VWA8: variants seen among roughly 807,000 people sequenced by gnomAD.
VWA8 encodes the protein von Willebrand factor A domain-containing protein 8.
Under a neutral mutation model 241.5 loss-of-function variants are expected in VWA8, and 221 were observed. The observed-to-expected ratio is 0.91, with a 90% CI of 0.82 to 1.02. The LOEUF is 1.02. Ranked by LOEUF, VWA8 falls within the 50% of genes least tolerant of loss-of-function variation. The pLI, the probability that VWA8 is intolerant of heterozygous loss-of-function variation, is 0.00. For synonymous variants in VWA8, 852 were observed against 827.1 expected (o/e 1.03, Z -0.52); for missense variants, 2,322 against 2,328.7 (o/e 1.00, Z 0.06).
chr13:41,751,816 A>G lies in VWA8; in HGVS notation c.2426+9312T>C, dbSNP rs527272429. Among the ~76,000 whole-genome samples, 44 of 152,336 alleles carry G rather than the reference A, an allele frequency of 2.9e-4. No homozygotes were observed. The South Asian group carries it at 8.9e-3, about 31-fold the overall frequency. The stretch of plus-strand genomic sequence containing the variant: ...TGGTTAGAACACTTACATAACAGTT[A>G]AAGATCTATTATATACATAGAATTA... On this transcript the variant is annotated intron_variant, in intron 21 of 44. Coordinates refer to ENST00000379310, the MANE Select transcript of VWA8 (RefSeq NM_015058.2).
chr13:41,950,177 T>C (rs546429824), intron 1 of VWA8, among the ~76,000 whole-genome samples, 164 bp from the exon 2 acceptor site: 3 of 152,322 alleles, frequency 2.0e-5, no homozygotes, highest in South Asian at 2.1e-4. Context: ...ATCCAAAGTA[T>C]ATATGTATAA....
At chr13:41,590,512 TTA>T in intron 41 of VWA8, 126 bp downstream of exon 41, 1 of 1,015,068 alleles carries the variant, frequency 9.9e-7, no homozygotes, top group Non-Finnish European at 1.4e-6. Flanking sequence ...TTTTTTTTTT[TTA>T]ACATAATGCT....
intron 32 of VWA8, 40 bp from the exon 33 acceptor site, chr13:41,690,315 CT>C: frequency 1.3e-6 from 2 of 1,563,766 alleles, no homozygotes. Flanking sequence ...TGAAATTTTT[CT>C]TTTTCTAATA....
chr13:41,933,684 A>G (rs543510849), intron 2 of VWA8, among the ~76,000 whole-genome samples: 1 of 152,088 alleles, frequency 6.6e-6, no homozygotes, highest in Non-Finnish European at 1.5e-5. Context: ...GACTTCTGAC[A>G]TAACTACAAA....
At chr13:41,592,232 C>T (rs1440582637) in intron 40 of VWA8, among the ~76,000 whole-genome samples, 15 of 133,888 alleles carry the variant, frequency 1.1e-4, no homozygotes, top group Non-Finnish European at 1.7e-4. Flanking sequence ...AACCAAACAC[C>T]GCATATTCTC....
chr13:41,901,081 A>G (rs1334214301), intron 4 of VWA8, among the ~76,000 whole-genome samples: 1 of 150,084 alleles, frequency 6.7e-6, no homozygotes, highest in Non-Finnish European at 1.5e-5. Flanking sequence ...GAATACAATC[A>G]TCATTGTCAC....
intron 17 of VWA8, among the ~76,000 whole-genome samples, chr13:41,806,008 A>T (rs202042261): frequency 0.15 from 22,480 of 151,002 alleles, 1,843 homozygotes; most frequent in Non-Finnish European, 0.19. Context: ...AAATAAAAAA[A>T]AAAAAAAAAG....
At chr13:41,623,236 T>C in intron 37 of VWA8, among the ~76,000 whole-genome samples, 1 of 152,148 alleles carries the variant, frequency 6.6e-6, no homozygotes, top group Admixed American at 6.6e-5. Context: ...GAGAATATGA[T>C]GCATAGAGCT....
chr13:41,636,516 C>G (rs552607327), intron 37 of VWA8, among the ~76,000 whole-genome samples: 58 of 152,010 alleles, frequency 3.8e-4, no homozygotes, highest in African/African-American at 1.0e-3. Context: ...CATAGGCATG[C>G]GCAAGGACTT....
intron 26 of VWA8, among the ~76,000 whole-genome samples, chr13:41,709,476 ATGTTGTTCTC>A: frequency 6.6e-6 from 1 of 152,136 alleles, no homozygotes; most frequent in African/African-American, 2.4e-5. Context: ...AAAGGTAACC[ATGTTGTTCTC>A]TGATTGAAAC....
Position 41,827,644 on chromosome 13 carries a change from T to C in VWA8, c.1700+2885A>G, listed in dbSNP as rs537753624. Among the ~76,000 whole-genome samples the C allele has an allele frequency of 3.9e-5, 6 of 152,290 alleles. No individual in the cohort carries two copies. The South Asian group carries it at 8.3e-4, about 21-fold the overall frequency. ...AAAAGTAAGTGAAGGAAAGAAAGCA[T>C]TGCTATGATCTCTCTCCACTTTCTC... is the stretch of plus-strand genomic sequence containing the variant. On this transcript the variant is annotated intron_variant, in intron 14 of 44. Transcript: ENST00000379310.
intron 21 of VWA8, among the ~76,000 whole-genome samples, chr13:41,737,004 T>C (rs1049919656): frequency 6.6e-6 from 1 of 151,942 alleles, no homozygotes; most frequent in Non-Finnish European, 1.5e-5. Flanking sequence ...CCACCACACT[T>C]GGCTGATTTT....
chr13:41,868,697 A>G (rs974537543), intron 9 of VWA8, among the ~76,000 whole-genome samples: 2 of 151,988 alleles, frequency 1.3e-5, no homozygotes, highest in Non-Finnish European at 2.9e-5. Flanking sequence ...CATCCTGGCT[A>G]ACACGGTGAA....
intron 12 of VWA8, among the ~76,000 whole-genome samples, chr13:41,864,431 G>C (rs191827238): frequency 6.6e-6 from 1 of 151,536 alleles, no homozygotes; most frequent in Non-Finnish European, 1.5e-5. Flanking sequence ...ACAACCCCAA[G>C]GTCCATCAAC....
intron 30 of VWA8, 81 bp downstream of exon 30, chr13:41,692,781 G>T: frequency 9.2e-7 from 1 of 1,085,834 alleles, no homozygotes; most frequent in Non-Finnish European, 1.4e-6. Flanking sequence ...GCACTTAAAG[G>T]GATGGGCATG....
chr13:41,706,614 G>C (rs1240769318), intron 26 of VWA8, among the ~76,000 whole-genome samples: 1 of 152,200 alleles, frequency 6.6e-6, no homozygotes, highest in East Asian at 1.9e-4. Flanking sequence ...TTAGTAGTCA[G>C]GGGAAAGGGG....
In VWA8 at chr13:41,686,506, AT is replaced by A. The variant is rs200127886; in HGVS notation, c.4132-1265del. Among the ~76,000 whole-genome samples, 449 of 146,688 alleles carry A rather than the reference AT, an allele frequency of 3.1e-3. 4 individuals carry two copies. Among genetic ancestry groups the A allele is most frequent in the East Asian group, 0.023 (113 of 5,014 alleles). ...AAGTGTTTGTTCAAGTCTTTTGCTC[AT>A]TTTTTTTTTCACATTTACCTTTAAT... On this transcript the variant is annotated intron_variant, in intron 34 of 44. Transcript: ENST00000379310.
chr13:41,678,034 C>T (rs2045072697), intron 35 of VWA8, among the ~76,000 whole-genome samples: 1 of 152,050 alleles, frequency 6.6e-6, no homozygotes, highest in Non-Finnish European at 1.5e-5. Flanking sequence ...TATGAAACAG[C>T]GAGGATACAG....
chr13:41,820,211 G>T (rs1443066407), intron 14 of VWA8, among the ~76,000 whole-genome samples: 2 of 152,074 alleles, frequency 1.3e-5, no homozygotes, highest in Non-Finnish European at 2.9e-5. Context: ...CTTTTTGAGG[G>T]TAATATAGTT....
Sources: allele counts gnomAD v4.1 joint callset (sites outside exome capture counted in the v4.1 genomes callset), GRCh38; gene constraint gnomAD v4.1.1; transcripts MANE v1.5; gene names NCBI Gene and HGNC (gene_info 2026-07-23, HGNC 2026-07-21).